GATAD1: variants seen among roughly 807,000 people sequenced by gnomAD.
The protein encoded by GATAD1 is GATA zinc finger domain-containing protein 1.
A neutral mutation model predicts 26.5 loss-of-function variants in GATAD1; 12 were observed. The observed-to-expected ratio is 0.45, with a 90% CI of 0.29 to 0.73. The LOEUF is 0.73. Ranked by LOEUF, GATAD1 falls within the 30% of genes least tolerant of loss-of-function variation. The pLI, the probability that GATAD1 is intolerant of heterozygous loss-of-function variation, is 0.10. For missense variants in GATAD1, 266 were observed against 342.1 expected, an observed-to-expected ratio of 0.78 and a Z score of 1.75; for synonymous variants, 129 against 133.1, an observed-to-expected ratio of 0.97 and a Z score of 0.21.
At chr7:92,482,158 G>A in the GATAD1 span, among the ~76,000 whole-genome samples, 121 of 152,308 alleles carry the variant, frequency 7.9e-4, 2 homozygotes, top group African/African-American at 2.6e-3. Context: ...GAAGCCTTGC[G>A]GCAGTACAGC....
At chr7:92,449,164 G>C (rs1789308930) in intron 2 of GATAD1, 2 of 1,083,452 alleles carry the variant, frequency 1.8e-6, no homozygotes, top group South Asian at 3.6e-5. Flanking sequence ...CATTTTTTGG[G>C]GTTCTCTATG....
rs1789319059 is a variant in GATAD1, at chr7:92,449,365, A to C, written c.375+488A>C. Reference sequence around the variant, plus strand: ...ATGATGTATTTGATGAATATGAGTCAAAAATTTTGCTAAGCCTTATCTCCT... The same window carrying C: ...ATGATGTATTTGATGAATATGAGTCCAAAATTTTGCTAAGCCTTATCTCCT... On this transcript the variant is annotated intron_variant, in intron 2 of 4. Transcript: ENST00000287957. 3.1e-6 allele frequency: 3 copies of C among 975,440 alleles called. No individual in the cohort carries two copies. In the South Asian group the frequency reaches 1.4e-4, roughly 46 times the overall value. 60.4% of individuals were successfully genotyped at this position (975,440 alleles called of 1,614,324 possible).
chr7:92,494,014 A>C, the GATAD1 span: 2 of 375,150 alleles, frequency 5.3e-6, no homozygotes, highest in East Asian at 1.2e-4. Flanking sequence ...CTTTGAACAG[A>C]AGATAATGTG....
At chr7:92,485,444 A>AAT in the GATAD1 span, among the ~76,000 whole-genome samples, 4 of 152,224 alleles carry the variant, frequency 2.6e-5, no homozygotes, top group Non-Finnish European at 5.9e-5. Flanking sequence ...GAGTCACCAC[A>AAT]ATATAGTCAT....
chr7:92,454,414 T>C, intron 3 of GATAD1, 88 bp from the exon 4 acceptor site: 1 of 982,470 alleles, frequency 1.0e-6, no homozygotes, highest in South Asian at 1.3e-5. Context: ...CTGACCACTT[T>C]GAAAACTTGC....
chr7:92,474,938 C>G, the GATAD1 span: 1 of 152,092 alleles, frequency 6.6e-6, no homozygotes, highest in South Asian at 2.1e-4. Flanking sequence ...ACCCTTTTGT[C>G]TATCTCCTTT....
At chr7:92,452,000 C>T (rs1275744929) in intron 3 of GATAD1, among the ~76,000 whole-genome samples, 1 of 152,240 alleles carries the variant, frequency 6.6e-6, no homozygotes, top group Non-Finnish European at 1.5e-5. Context: ...TCTAATGTCT[C>T]ATCTGTAAAA....
intron 1 of GATAD1, among the ~76,000 whole-genome samples, chr7:92,448,183 A>G (rs1027808900): frequency 6.6e-6 from 1 of 152,254 alleles, no homozygotes; most frequent in Non-Finnish European, 1.5e-5. Context: ...AGCAATAAGA[A>G]CCAAGATGTA....
the GATAD1 span, among the ~76,000 whole-genome samples, chr7:92,467,024 A>G: frequency 1.3e-5 from 2 of 151,758 alleles, no homozygotes; most frequent in Non-Finnish European, 2.9e-5. Flanking sequence ...ATATATCTGT[A>G]TATGTATTTC....
the GATAD1 span, among the ~76,000 whole-genome samples, chr7:92,483,731 A>ATTGTTGGTTT: frequency 2.0e-5 from 3 of 152,198 alleles, no homozygotes; most frequent in Non-Finnish European, 4.4e-5. Flanking sequence ...TTAAGAGGAA[A>ATTGTTGGTTT]TTGTTGGGCA....
the GATAD1 span, chr7:92,487,298 GATC>G: frequency 1.9e-6 from 1 of 534,670 alleles, no homozygotes. Flanking sequence ...TCTCAATCCT[GATC>G]ATTACATAAT....
the GATAD1 span, among the ~76,000 whole-genome samples, chr7:92,473,379 T>C: frequency 6.6e-6 from 1 of 152,146 alleles, no homozygotes; most frequent in South Asian, 2.1e-4. Flanking sequence ...TTGGAGTCCT[T>C]GTTGGGCCTT....
At position 92,448,777 on chromosome 7, in the gene GATAD1, C is replaced by T; in HGVS notation, c.275C>T (p.Ser92Phe). Residue 92 changes from serine to phenylalanine, a missense_variant, in exon 2 of 5, where the codon TCT (serine) becomes TTT (phenylalanine). Physicochemically the swap from Ser to Phe is radical, Grantham distance 155 (BLOSUM62 -2). Transcript: ENST00000287957. ...KQSKQEIHRR[S>F]ARLRNTKYKS... is the part of the protein sequence containing the mutation. ...AGTAAGCAGGAAATTCACAGGAGGT[C>T]TGCTCGGCTCAGAAACACTAAATAC... 1 of 1,611,770 alleles carries T rather than the reference C, an allele frequency of 6.2e-7. No individual in the cohort carries two copies. The highest frequency in any genetic ancestry group is 8.5e-7 in the Non-Finnish European group (1 of 1,177,864).
the GATAD1 span, chr7:92,471,594 A>G: frequency 6.6e-6 from 1 of 152,046 alleles, no homozygotes; most frequent in African/African-American, 2.4e-5. Flanking sequence ...ATTACCCTAT[A>G]CTAGGGGTTG....
the GATAD1 span, chr7:92,494,344 C>T: frequency 1.2e-6 from 2 of 1,613,988 alleles, no homozygotes; most frequent in Non-Finnish European, 8.5e-7. Flanking sequence ...CAGGCCTAAG[C>T]AGGGCAGGGT....
chr7:92,463,504 TAAAAA>T (rs370275077), downstream of GATAD1, among the ~76,000 whole-genome samples: 4 of 146,400 alleles, frequency 2.7e-5, no homozygotes, highest in African/African-American at 1.0e-4. Flanking sequence ...TAAAAACAAA[TAAAAA>T]AAAAATTAGC....
At chr7:92,494,272 C>G in the GATAD1 span, 2 of 1,564,662 alleles carry the variant, frequency 1.3e-6, no homozygotes, top group Non-Finnish European at 1.8e-6. Flanking sequence ...GGGTTTTGGA[C>G]TCTAAATATG....
At chr7:92,489,903 T>C in the GATAD1 span, 9 of 1,613,042 alleles carry the variant, frequency 5.6e-6, no homozygotes, top group Middle Eastern at 1.7e-4. Flanking sequence ...CAGAGAGACA[T>C]TGTGAGCTCT....
Position 92,456,611 on chromosome 7 carries a change from TG to T in GATAD1, c.*50del, listed in dbSNP as rs1302267586. 8.3e-7 allele frequency: 1 copy of T among 1,204,754 alleles called. No individual in the cohort carries two copies. Among genetic ancestry groups the T allele is most frequent in the Non-Finnish European group, 1.2e-6 (1 of 829,502 alleles). The allele number at this position is 1,204,754 out of a possible 1,614,324, so 74.6% of individuals were successfully genotyped here. A position where few individuals can be genotyped will look rare whatever the true frequency, so the allele number is the denominator to read the frequency against. Reference sequence around the variant, plus strand: ...CAGGCCTGGTGTGGTGGCTCACGCCTGTAGCCCCAGCTATTGCACCACTGCT... The same window carrying T: ...CAGGCCTGGTGTGGTGGCTCACGCCTTAGCCCCAGCTATTGCACCACTGCT... On this transcript the variant is annotated 3_prime_UTR_variant, in exon 5 of 5. Transcript: ENST00000287957.
Sources: gnomAD v4.1 joint callset for allele counts (sites outside exome capture counted in the v4.1 genomes callset) on GRCh38, gnomAD v4.1.1 for gene constraint, MANE v1.5 for transcripts, NCBI Gene and HGNC (gene_info 2026-07-23, HGNC 2026-07-21) for gene names.